The following HIVEP3 variants were observed in gnomAD, a reference collection of about 807,000 sequenced individuals.
HIVEP3 encodes the protein HIVEP zinc finger 3.
HIVEP3 carries 49 observed loss-of-function variants against 152.8 expected under a neutral mutation model. That is an observed-to-expected ratio of 0.32 (90% CI 0.26 to 0.41). The LOEUF is 0.41. Among genes scored for constraint, HIVEP3 ranks in the 10% least tolerant of loss-of-function variants. The pLI, the probability that HIVEP3 is intolerant of heterozygous loss-of-function variation, is 1.00. For synonymous variants in HIVEP3, 1,269 were observed against 1,289.0 expected (o/e 0.98, Z 0.33); for missense variants, 2,790 against 3,103.3 (o/e 0.90, Z 2.40).
In HIVEP3 at chr1:41,918,543, A is replaced by G. The variant is rs1203031406; in HGVS notation, c.-931T>C. 1 of 152,156 alleles carries G rather than the reference A, an allele frequency of 6.6e-6. No homozygotes were observed. The highest frequency in any genetic ancestry group is 2.4e-5 in the African/African-American group (1 of 41,426). 9.4% of individuals were successfully genotyped at this position (152,156 alleles called of 1,614,324 possible). On this transcript the variant is annotated 5_prime_UTR_variant, in exon 1 of 9. Transcript: ENST00000372583. This position sits in a 1 kb window ranked among gnomAD's most constrained non-coding sequence, Gnocchi z 4.3. ...TGAACACCTGTTTCAAGTAAGGGGT[A>G]AAGACCTTATTGAAAGAATTGTCCT...
At chr1:41,527,335 T>TACACC in intron 5 of HIVEP3, among the ~76,000 whole-genome samples, 1 of 37,818 alleles carries the variant, frequency 2.6e-5, no homozygotes, top group Non-Finnish European at 5.8e-5. Context: ...CACACACACA[T>TACACC]CCCACCTTCA....
chr1:41,690,091 CAT>C (rs1315870639), intron 2 of HIVEP3, among the ~76,000 whole-genome samples: 9 of 152,334 alleles, frequency 5.9e-5, no homozygotes, highest in Admixed American at 3.3e-4. Context: ...TGCTGGATAA[CAT>C]GTGTGAGGAT....
At chr1:41,927,998 T>C (rs964607648) in intron 1 of HIVEP3, among the ~76,000 whole-genome samples, 19 of 141,742 alleles carry the variant, frequency 1.3e-4, no homozygotes, top group Non-Finnish European at 2.3e-4. Flanking sequence ...GAGGCGGAGG[T>C]TGCAGTCAGC....
chr1:41,738,753 C>G (rs1434885029), intron 1 of HIVEP3, among the ~76,000 whole-genome samples: 1 of 152,176 alleles, frequency 6.6e-6, no homozygotes, highest in Non-Finnish European at 1.5e-5. Context: ...GCTTCTTCAC[C>G]AGTAAAATGG....
intron 2 of HIVEP3, among the ~76,000 whole-genome samples, chr1:41,645,800 G>T (rs778428863): frequency 1.4e-4 from 21 of 152,154 alleles, no homozygotes; most frequent in Non-Finnish European, 2.9e-4. Flanking sequence ...GAGTGAACCT[G>T]CCCTGCAACT....
intron 5 of HIVEP3, among the ~76,000 whole-genome samples, chr1:41,529,023 C>A (rs546160578): frequency 6.9e-6 from 1 of 143,962 alleles, no homozygotes; most frequent in East Asian, 2.2e-4. Flanking sequence ...ACACCACTGA[C>A]CTCACACTCT....
intron 5 of HIVEP3, among the ~76,000 whole-genome samples, chr1:41,550,347 T>A (rs1643881411): frequency 6.6e-6 from 1 of 152,242 alleles, no homozygotes; most frequent in South Asian, 2.1e-4. Flanking sequence ...TAGGATTGAC[T>A]TGGCAGTGCG....
At chr1:41,841,553 C>T (rs1643288956) in intron 1 of HIVEP3, among the ~76,000 whole-genome samples, 1 of 152,162 alleles carries the variant, frequency 6.6e-6, no homozygotes, top group Non-Finnish European at 1.5e-5. Flanking sequence ...CTTCTCCTGC[C>T]ACTTTAAAAT....
rs955580656 is a variant in HIVEP3, at chr1:41,580,941, C to T, written c.3857G>A (p.Arg1286Gln). 13 of 1,612,148 alleles carry T rather than the reference C, an allele frequency of 8.1e-6. No homozygotes were observed. Among genetic ancestry groups the T allele is most frequent in the Admixed American group, 5.0e-5 (3 of 59,844 alleles). The part of the protein sequence containing the change: ...SPSTEYSSDI[R>Q]LPPVAPPASS... ...GGCTGGGGGAGCCACAGGGGGTAGC[C>T]GGATGTCACTGCTGTACTCTGTGCT... Residue 1286 changes from arginine to glutamine, a missense_variant, in exon 4 of 9, where the codon CGG becomes CAG. By Grantham distance (43) the Arg-to-Gln change is conservative. This residue lies in a region of HIVEP3 where 1,078 missense variants were observed against 1,165.3 expected (regional missense o/e 0.93). Transcript: ENST00000372583.
At chr1:41,934,101 C>T (rs569501847) in intron 1 of HIVEP3, among the ~76,000 whole-genome samples, 4 of 152,260 alleles carry the variant, frequency 2.6e-5, no homozygotes, top group African/African-American at 9.6e-5. Flanking sequence ...TCACCCCTCT[C>T]ACAGCAGTTT....
intron 1 of HIVEP3, among the ~76,000 whole-genome samples, chr1:41,822,037 A>G (rs1461035737): frequency 2.0e-5 from 3 of 152,078 alleles, no homozygotes; most frequent in Non-Finnish European, 4.4e-5. Flanking sequence ...ATTGCTCCCA[A>G]TTCTGTGGGT....
intron 2 of HIVEP3, among the ~76,000 whole-genome samples, chr1:41,698,736 C>CAGT (rs1048070394): frequency 1.3e-5 from 2 of 152,128 alleles, no homozygotes; most frequent in Non-Finnish European, 2.9e-5. Context: ...CTTCGGGTGC[C>CAGT]AGTGCTCCTG....
upstream of HIVEP3, among the ~76,000 whole-genome samples, chr1:41,923,275 TCTAA>T (rs1381959706): frequency 6.6e-6 from 1 of 152,240 alleles, no homozygotes; most frequent in African/African-American, 2.4e-5. Flanking sequence ...AAGTTTTACC[TCTAA>T]CTGATATCTT....
chr1:41,717,630 T>C (rs1646614649), intron 1 of HIVEP3, among the ~76,000 whole-genome samples: 1 of 152,254 alleles, frequency 6.6e-6, no homozygotes, highest in South Asian at 2.1e-4. Flanking sequence ...ATAAGCCTGG[T>C]GTGTTTCTCT....
At chr1:41,600,590 C>T (rs2149123962) in intron 3 of HIVEP3, among the ~76,000 whole-genome samples, 1 of 152,302 alleles carries the variant, frequency 6.6e-6, no homozygotes, top group East Asian at 1.9e-4. Context: ...TATACAGTTT[C>T]AGCTTTTCAG....
intron 5 of HIVEP3, chr1:41,543,568 C>A (rs1302641863): frequency 6.6e-6 from 1 of 152,330 alleles, no homozygotes; most frequent in Non-Finnish European, 1.5e-5. Flanking sequence ...TCTCCAGCCA[C>A]CTCACTGACT....
chr1:41,583,982 C>T lies in HIVEP3; in HGVS notation c.816G>A (p.Glu272=). ...GLEMERIPGE[E]FEEPTEGEST... is the part of the protein sequence containing the mutation. ...TTTCTCCCTCAGTGGGCTCCTCAAACTCTTCCCCAGGGATCCGCTCCATCT... is the reference window on the plus strand; with the variant it reads ...TTTCTCCCTCAGTGGGCTCCTCAAATTCTTCCCCAGGGATCCGCTCCATCT... Residue 272 remains glutamate, a synonymous_variant, in exon 4 of 9, where the codon GAG becomes GAA. Transcript: ENST00000372583. The surrounding 1 kb of genome is among the most constrained non-coding windows in gnomAD (Gnocchi z 6.9). 1.2e-6 allele frequency: 2 copies of T among 1,614,212 alleles called. No individual in the cohort carries two copies. The highest frequency in any genetic ancestry group is 2.7e-5 in the African/African-American group (2 of 75,052).
chr1:41,789,380 A>G lies in HIVEP3; in HGVS notation c.-800-88385T>C, dbSNP rs1372255281. 4.6e-5 allele frequency among the ~76,000 whole-genome samples: 7 copies of G among 152,346 alleles called. No individual in the cohort carries two copies. In the South Asian group the frequency reaches 1.5e-3, roughly 32 times the overall value. ...AAATGAGTTCATATGCGTACAAGGC[A>G]TGAGTTCAACGTTTGTGAGCTACCA... On this transcript the variant is annotated intron_variant, in intron 1 of 8. Coordinates refer to ENST00000372583, the MANE Select transcript of HIVEP3 (RefSeq NM_024503.5).
At chr1:41,936,191 T>C (rs1278216372) in intron 1 of HIVEP3, among the ~76,000 whole-genome samples, 2 of 152,282 alleles carry the variant, frequency 1.3e-5, no homozygotes, top group Non-Finnish European at 2.9e-5. Context: ...CTCTGAACTA[T>C]AATACAAAGC....
Sources: allele counts gnomAD v4.1 joint callset (sites outside exome capture counted in the v4.1 genomes callset), GRCh38; gene constraint gnomAD v4.1.1; regional missense constraint gnomAD v4.1.1; non-coding constraint Gnocchi (gnomAD v3.1); transcripts MANE v1.5; gene names NCBI Gene and HGNC (gene_info 2026-07-23, HGNC 2026-07-21).